The following SDK2 variants were observed in gnomAD, a reference collection of about 807,000 sequenced individuals.
The protein encoded by SDK2 is sidekick cell adhesion molecule 2.
Under a neutral mutation model 253.9 loss-of-function variants are expected in SDK2, and 105 were observed. That is an observed-to-expected ratio of 0.41 (90% confidence interval 0.35 to 0.49). The LOEUF (loss-of-function observed/expected upper bound fraction) is 0.49, where lower values mean the gene tolerates loss of function less well. Ranked by LOEUF, SDK2 falls within the 20% of genes least tolerant of loss-of-function variation. SDK2 has a pLI of 0.06. For synonymous variants in SDK2, 1,249 were observed against 1,234.9 expected, an observed-to-expected ratio of 1.01 and a Z score of -0.24; for missense variants, 2,608 against 3,003.0, an observed-to-expected ratio of 0.87 and a Z score of 3.07.
intron 1 of SDK2, among the ~76,000 whole-genome samples, chr17:73,545,408 T>A (rs1026215282): frequency 7.3e-5 from 11 of 151,714 alleles, no homozygotes; most frequent in Admixed American, 3.3e-4. Flanking sequence ...CCTAAATAAA[T>A]GAATGCACAC....
rs911192407 is a variant in SDK2 at position 73,431,973 on chromosome 17, T to A, written c.1313-304A>T. ...CAGAGAAGGGGGCGCAGTTTCCTGA[T>A]GACGGTGAGCAGTAGCCCGGCACAG... is the stretch of plus-strand genomic sequence containing the variant. On this transcript the variant is annotated intron_variant, in intron 10 of 44. Transcript: ENST00000392650. The surrounding 1 kb of genome is among the most constrained non-coding windows in gnomAD (Gnocchi z 5.6). Among the ~76,000 whole-genome samples, 12 of 152,218 alleles carry A rather than the reference T, an allele frequency of 7.9e-5. No individual in the cohort carries two copies. The highest frequency in any genetic ancestry group is 2.6e-4 in the African/African-American group (11 of 41,554).
In SDK2 at chr17:73,609,099, G is replaced by A. The variant is rs908120922; in HGVS notation, c.64+34926C>T. ...GACCTCAGTAAAGCCTGGGAAGGCC[G>A]CTGGAGGAAAGCCTTTTTGGGGAAG... On this transcript the variant is annotated intron_variant, in intron 1 of 44. Transcript: ENST00000392650. This position sits in a 1 kb window ranked among gnomAD's most constrained non-coding sequence, Gnocchi z 4.4. Among the ~76,000 whole-genome samples the A allele has an allele frequency of 6.6e-6, 1 of 152,186 alleles. No individual in the cohort carries two copies. Among genetic ancestry groups the A allele is most frequent in the Non-Finnish European group, 1.5e-5 (1 of 68,028 alleles).
At chr17:73,402,186 A>G in intron 18 of SDK2, 45 bp from the exon 19 acceptor site, 1 of 1,582,468 alleles carries the variant, frequency 6.3e-7, no homozygotes, top group Non-Finnish European at 8.6e-7. Flanking sequence ...GGAAGGTTCC[A>G]GAGGAGGCCA....
In SDK2 at chr17:73,496,604, C is replaced by T. The variant is rs1178385250; in HGVS notation, c.224+10834G>A. ...TGTACTCCCTCGACCAAAATCCTTTCGAGACTGTCCACTGCCTGCTGGATA... is the reference window on the plus strand; with the variant it reads ...TGTACTCCCTCGACCAAAATCCTTTTGAGACTGTCCACTGCCTGCTGGATA... On this transcript the variant is annotated intron_variant, in intron 2 of 44. Coordinates refer to ENST00000392650, the MANE Select transcript of SDK2 (RefSeq NM_001144952.2). This position sits in a 1 kb window ranked among gnomAD's most constrained non-coding sequence, Gnocchi z 4.7. 2.6e-5 allele frequency among the ~76,000 whole-genome samples: 4 copies of T among 152,128 alleles called. No individual in the cohort carries two copies. Among genetic ancestry groups the T allele is most frequent in the South Asian group, 2.1e-4 (1 of 4,824 alleles).
intron 40 of SDK2, among the ~76,000 whole-genome samples, chr17:73,354,761 GTC>G (rs3078874): frequency 0.97 from 147,210 of 152,012 alleles, 71,463 homozygotes; most frequent in Middle Eastern, 1. Flanking sequence ...AGCACCTCCA[GTC>G]TCTCACATGC....
At chr17:73,482,347 G>A (rs993142481) in intron 2 of SDK2, among the ~76,000 whole-genome samples, 1 of 152,192 alleles carries the variant, frequency 6.6e-6, no homozygotes, top group Non-Finnish European at 1.5e-5. Flanking sequence ...GCAGGATACA[G>A]ATGTGTCTGA....
chr17:73,365,376 C>T lies in SDK2; in HGVS notation c.5187G>A (p.Ser1729=), dbSNP rs138111780. The T allele has an allele frequency of 3.9e-5, 62 of 1,610,198 alleles. No individual in the cohort carries two copies. Among genetic ancestry groups the T allele is most frequent in the Admixed American group, 1.9e-4 (11 of 59,230 alleles). Residue 1729 remains serine (S), a synonymous_variant, in exon 38 of 45, where the codon TCG becomes TCA. Transcript: ENST00000392650. ...TQQAAPSAPS[S]VKFSELTTTS... is the part of the protein sequence containing the mutation. ...TTGTGGTCAGCTCACTGAACTTGACCGAGCTGGGAGCGCTGGGGGCTGCGG... is the reference window on the plus strand; with the variant it reads ...TTGTGGTCAGCTCACTGAACTTGACTGAGCTGGGAGCGCTGGGGGCTGCGG...
chr17:73,467,486 A>C lies in SDK2; in HGVS notation c.331+4626T>G, dbSNP rs1456350088. 1.3e-5 allele frequency among the ~76,000 whole-genome samples: 2 copies of C among 152,162 alleles called. No individual in the cohort carries two copies. Among genetic ancestry groups the C allele is most frequent in the Non-Finnish European group, 2.9e-5 (2 of 68,032 alleles). On this transcript the variant is annotated intron_variant, in intron 3 of 44. Coordinates refer to ENST00000392650, the MANE Select transcript of SDK2 (RefSeq NM_001144952.2). The surrounding 1 kb of genome is among the most constrained non-coding windows in gnomAD (Gnocchi z 4.1). ...CAGCACAGTGACCCTCAGGACGAGC[A>C]CTGCTATGAGTGAGAATGGTTTTGC... is the stretch of plus-strand genomic sequence containing the variant.
intron 1 of SDK2, among the ~76,000 whole-genome samples, chr17:73,611,760 T>G (rs2045977824): frequency 6.6e-6 from 1 of 152,202 alleles, no homozygotes; most frequent in South Asian, 2.1e-4. Context: ...CTCCTCCTAT[T>G]GGGACCCACG....
intron 40 of SDK2, among the ~76,000 whole-genome samples, chr17:73,356,987 G>A (rs1020708949): frequency 4.6e-5 from 7 of 152,226 alleles, no homozygotes; most frequent in African/African-American, 1.7e-4. Flanking sequence ...GGCCCTGGTT[G>A]GGAGAAGCAC....
At chr17:73,497,158 A>C (rs1473030988) in intron 2 of SDK2, among the ~76,000 whole-genome samples, 4 of 152,160 alleles carry the variant, frequency 2.6e-5, no homozygotes, top group Non-Finnish European at 4.4e-5. Flanking sequence ...TTGGCCTCCC[A>C]AAGTGCTGGG....
In SDK2 at chr17:73,557,641, C is replaced by T. The variant is rs73351515; in HGVS notation, c.65-50044G>A. Among the ~76,000 whole-genome samples the T allele has an allele frequency of 2.0e-3, 307 of 151,952 alleles. 2 individuals are homozygous for T. The highest frequency in any genetic ancestry group is 7.1e-3 in the African/African-American group (294 of 41,430). On this transcript the variant is annotated intron_variant, in intron 1 of 44. Transcript: ENST00000392650. ...TAATGTTTCCTTTCTTCTTCCCATC[C>T]TCCTCCTCCTCCTCTCTCTCTCTTT...
At chr17:73,374,920 C>A (rs150351195) in intron 36 of SDK2, among the ~76,000 whole-genome samples, 2 of 152,274 alleles carry the variant, frequency 1.3e-5, no homozygotes, top group Non-Finnish European at 2.9e-5. Flanking sequence ...CCATTTCAGA[C>A]TCTGCTCAGC....
intron 1 of SDK2, among the ~76,000 whole-genome samples, chr17:73,608,618 T>G (rs544217585): frequency 6.6e-6 from 1 of 152,196 alleles, no homozygotes; most frequent in South Asian, 2.1e-4. Flanking sequence ...AATTTTTTTA[T>G]TTTTAGTAGA....
chr17:73,642,652 T>A lies in SDK2; in HGVS notation c.64+1373A>T, dbSNP rs1200605347. ...GCAAGTCATTTAATGCCATTTGGCCTCAGTTTCCCTATCTGTTAAATGGCT... is the reference window on the plus strand; with the variant it reads ...GCAAGTCATTTAATGCCATTTGGCCACAGTTTCCCTATCTGTTAAATGGCT... On this transcript the variant is annotated intron_variant, in intron 1 of 44. Transcript: ENST00000392650. The surrounding 1 kb of genome is among the most constrained non-coding windows in gnomAD (Gnocchi z 4.7). Among the ~76,000 whole-genome samples the A allele has an allele frequency of 6.6e-6, 1 of 152,192 alleles. No homozygotes were observed. The highest frequency in any genetic ancestry group is 2.4e-5 in the African/African-American group (1 of 41,452).
chr17:73,491,374 C>CTTT lies in SDK2; in HGVS notation c.224+16061_224+16063dup, dbSNP rs536017346. Reference sequence around the variant, plus strand: ...CTCTCTCTGCCTTTCTGTTTTTTGGCTTTTTTTTTTTTTTTTGAGACAGGG... The same window carrying CTTT: ...CTCTCTCTGCCTTTCTGTTTTTTGGCTTTTTTTTTTTTTTTTTTTGAGACAGGG... On this transcript the variant is annotated intron_variant, in intron 2 of 44. Coordinates refer to ENST00000392650, the MANE Select transcript of SDK2 (RefSeq NM_001144952.2). 2.9e-3 allele frequency among the ~76,000 whole-genome samples: 391 copies of CTTT among 133,950 alleles called. 7 individuals are homozygous for CTTT. Among genetic ancestry groups the CTTT allele is most frequent in the East Asian group, 0.01 (46 of 4,560 alleles). The allele number at this position is 133,950 out of a possible 152,430, so 87.9% of individuals were successfully genotyped here.
chr17:73,357,133 T>C (rs896354256), intron 40 of SDK2, among the ~76,000 whole-genome samples: 3 of 152,238 alleles, frequency 2.0e-5, no homozygotes, highest in Non-Finnish European at 2.9e-5. Context: ...ATTCGCTATA[T>C]GCAACTGCGA....
intron 37 of SDK2, among the ~76,000 whole-genome samples, 175 bp from the exon 38 acceptor site, chr17:73,365,570 C>T (rs543177830): frequency 6.6e-6 from 1 of 152,252 alleles, no homozygotes; most frequent in South Asian, 2.1e-4. Context: ...GGCCCCCTTC[C>T]TCTCCTCTCT....
chr17:73,399,272 T>C lies in SDK2; in HGVS notation c.2989A>G (p.Thr997Ala). Residue 997 changes from threonine (T) to alanine (A), a missense_variant, in exon 22 of 45, where the codon ACC (threonine) becomes GCC (alanine). Around this residue, in one of 2 missense-constraint regions of SDK2, gnomAD observed 1,505 missense variants for 1,859.1 expected, o/e 0.81. Transcript: ENST00000392650. The part of the protein sequence containing the change: ...GVPPELPGPP[T>A]NLGISNIGPR... ...CCGATGTTGGAAATGCCCAGGTTGG[T>C]GGGGGGCCCTGGGAGTTCTGGAAAA... The C allele has an allele frequency of 6.2e-7, 1 of 1,613,376 alleles. No individual in the cohort carries two copies. Among genetic ancestry groups the C allele is most frequent in the Non-Finnish European group, 8.5e-7 (1 of 1,179,602 alleles).
Sources: gnomAD v4.1 joint callset for allele counts (sites outside exome capture counted in the v4.1 genomes callset) on GRCh38, gnomAD v4.1.1 for gene constraint, gnomAD v4.1.1 regional missense constraint, Gnocchi (gnomAD v3.1) non-coding constraint, MANE v1.5 for transcripts, NCBI Gene and HGNC (gene_info 2026-07-23, HGNC 2026-07-21) for gene names.